The following ROBO2 variants were observed in gnomAD, a reference collection of about 807,000 sequenced individuals.
The protein encoded by ROBO2 is roundabout homolog 2.
Under a neutral mutation model 160.8 loss-of-function variants are expected in ROBO2, and 53 were observed. That is an observed-to-expected ratio of 0.33 (90% confidence interval 0.26 to 0.41). The LOEUF (loss-of-function observed/expected upper bound fraction) is 0.41. ROBO2 is among the 10% of genes least tolerant of loss of function. The pLI is 1.00. For missense variants in ROBO2, 1,577 were observed against 1,722.4 expected (o/e 0.92, Z 1.49); for synonymous variants, 664 against 611.7 (o/e 1.09, Z -1.26).
At chr3:76,841,991 T>G (rs1412745926) in intron 2 of ROBO2, among the ~76,000 whole-genome samples, 7 of 152,118 alleles carry the variant, frequency 4.6e-5, no homozygotes, top group Non-Finnish European at 8.8e-5. Flanking sequence ...CTAAACAAGA[T>G]GACATGAGCA....
intron 2 of ROBO2, among the ~76,000 whole-genome samples, chr3:76,152,325 T>C (rs993350323): frequency 3.9e-5 from 6 of 152,168 alleles, no homozygotes; most frequent in Admixed American, 3.3e-4. Flanking sequence ...ATGAGTTCCA[T>C]TAAACTCCAT....
intron 2 of ROBO2, among the ~76,000 whole-genome samples, chr3:77,264,369 T>C (rs2153343089): frequency 6.6e-6 from 1 of 152,322 alleles, no homozygotes; most frequent in East Asian, 1.9e-4. Flanking sequence ...CCATCTCGGC[T>C]TCTTTGATTT....
intron 2 of ROBO2, among the ~76,000 whole-genome samples, chr3:76,892,856 G>A (rs1294483200): frequency 6.6e-6 from 1 of 151,996 alleles, no homozygotes; most frequent in African/African-American, 2.4e-5. Context: ...CCTATAAGAC[G>A]TCCTTTCCAG....
intron 2 of ROBO2, among the ~76,000 whole-genome samples, chr3:77,399,861 A>G (rs1033101622): frequency 6.6e-6 from 1 of 152,138 alleles, no homozygotes; most frequent in African/African-American, 2.4e-5. Context: ...ACCCTAAGTA[A>G]CCTGCCTAAC....
intron 2 of ROBO2, among the ~76,000 whole-genome samples, chr3:77,265,342 T>C (rs2059055708): frequency 6.6e-6 from 1 of 152,164 alleles, no homozygotes; most frequent in Non-Finnish European, 1.5e-5. Flanking sequence ...CCTTATTTCG[T>C]AAGGTGTAGG....
At chr3:76,632,260 A>G (rs2090075550) in intron 2 of ROBO2, among the ~76,000 whole-genome samples, 1 of 152,192 alleles carries the variant, frequency 6.6e-6, no homozygotes, top group African/African-American at 2.4e-5. Flanking sequence ...GGCTACCCAT[A>G]AGTTTTCACT....
At chr3:76,178,834 C>T (rs773363532) in intron 2 of ROBO2, among the ~76,000 whole-genome samples, 77 of 151,818 alleles carry the variant, frequency 5.1e-4, no homozygotes, top group Non-Finnish European at 9.0e-4. Flanking sequence ...CCAGCTACTC[C>T]GGAGGCTGAA....
intron 1 of ROBO2, among the ~76,000 whole-genome samples, chr3:77,066,400 T>A (rs931079465): frequency 6.6e-6 from 1 of 152,146 alleles, no homozygotes; most frequent in African/African-American, 2.4e-5. Flanking sequence ...TTAACTGCAG[T>A]TGGAAAAAAA....
chr3:76,532,849 G>A (rs980030999), intron 2 of ROBO2, among the ~76,000 whole-genome samples: 1 of 152,158 alleles, frequency 6.6e-6, no homozygotes, highest in African/African-American at 2.4e-5. Context: ...TGTGAGAAGA[G>A]TGGGGTCACG....
chr3:77,438,197 G>T (rs780837610), intron 2 of ROBO2, among the ~76,000 whole-genome samples: 2 of 151,654 alleles, frequency 1.3e-5, no homozygotes, highest in Non-Finnish European at 2.9e-5. Flanking sequence ...TAGGTAGATA[G>T]ATGATAGATA....
chr3:77,151,509 C>T (rs1389164305), intron 2 of ROBO2, among the ~76,000 whole-genome samples: 4 of 152,078 alleles, frequency 2.6e-5, no homozygotes, highest in East Asian at 3.9e-4. Flanking sequence ...CAGATGAATG[C>T]TTTGTGAATC....
chr3:76,333,310 G>C (rs2073631154), intron 2 of ROBO2, among the ~76,000 whole-genome samples: 1 of 152,140 alleles, frequency 6.6e-6, no homozygotes, highest in Non-Finnish European at 1.5e-5. Context: ...CATATTAGCT[G>C]TGCAGTGATT....
chr3:76,109,873 ATG>A (rs2070140553), intron 2 of ROBO2, among the ~76,000 whole-genome samples: 1 of 151,764 alleles, frequency 6.6e-6, no homozygotes, highest in African/African-American at 2.4e-5. Context: ...CTATATGTCT[ATG>A]TGTGCCTTTT....
At chr3:77,588,028 A>T (rs1488819436) in intron 16 of ROBO2, among the ~76,000 whole-genome samples, 1 of 152,090 alleles carries the variant, frequency 6.6e-6, no homozygotes, top group Non-Finnish European at 1.5e-5. Context: ...GTTCAGATTT[A>T]AATGCATTTC....
intron 2 of ROBO2, among the ~76,000 whole-genome samples, chr3:76,630,556 T>C (rs2109438038): frequency 6.6e-6 from 1 of 152,310 alleles, no homozygotes; most frequent in South Asian, 2.1e-4. Flanking sequence ...TGGTAAAAAT[T>C]GGTTTCAGTA....
In ROBO2 at chr3:77,602,115, T is replaced by C. The variant is rs1413646847; in HGVS notation, c.2855-95T>C. ...GCCCATCTCAGCTGAAATGCAAACG[T>C]GCAGTGTGACACACTTATTTTTCAT... is the stretch of plus-strand genomic sequence containing the variant. On this transcript the variant is annotated intron_variant, in intron 19 of 25. Transcript: ENST00000461745. The C allele has an allele frequency of 2.4e-6, 3 of 1,255,796 alleles. No individual in the cohort carries two copies. In the East Asian group the frequency reaches 6.9e-5, roughly 29 times the overall value. The allele number at this position is 1,255,796 out of a possible 1,614,324, so 77.8% of individuals were successfully genotyped here.
intron 2 of ROBO2, among the ~76,000 whole-genome samples, chr3:76,109,027 A>G (rs556291993): frequency 1.9e-3 from 288 of 152,060 alleles, no homozygotes; most frequent in Non-Finnish European, 3.3e-3. Flanking sequence ...CGCAAGTAAT[A>G]TCTAACGTGA....
At chr3:76,538,279 T>A (rs887957288) in intron 2 of ROBO2, among the ~76,000 whole-genome samples, 3 of 151,934 alleles carry the variant, frequency 2.0e-5, no homozygotes, top group African/African-American at 7.2e-5. Context: ...AAGAAAAAGT[T>A]TCCTCTATTT....
chr3:77,047,871 G>A (rs1266953028), intron 1 of ROBO2, among the ~76,000 whole-genome samples: 23 of 151,598 alleles, frequency 1.5e-4, no homozygotes. Flanking sequence ...GCGAAACCCT[G>A]TCTCTACTAA....
Sources: gnomAD v4.1 joint callset for allele counts (sites outside exome capture counted in the v4.1 genomes callset) on GRCh38, gnomAD v4.1.1 for gene constraint, MANE v1.5 for transcripts, NCBI Gene and HGNC (gene_info 2026-07-23, HGNC 2026-07-21) for gene names.